Variants in GRIA1 observed in about 807,000 individuals in gnomAD.
The protein encoded by GRIA1 is glutamate receptor 1.
Under a neutral mutation model 99.2 loss-of-function variants are expected in GRIA1, and 31 were observed. The ratio of observed to expected loss-of-function variants is 0.31; its 90% confidence interval spans 0.23 to 0.42. The LOEUF is 0.42. Among genes scored for constraint, GRIA1 ranks in the 10% least tolerant of loss-of-function variants. GRIA1 has a pLI of 1.00. For synonymous variants in GRIA1, 438 were observed against 432.4 expected (o/e 1.01, Z -0.16); for missense variants, 782 against 1,157.5 (o/e 0.68, Z 4.71).
At chr5:153,601,140 C>T (rs1329424196) in intron 2 of GRIA1, among the ~76,000 whole-genome samples, 1 of 152,192 alleles carries the variant, frequency 6.6e-6, no homozygotes, top group African/African-American at 2.4e-5. Context: ...CATGCTGGTG[C>T]CAGACCCTGT....
At chr5:153,525,933 T>C (rs1014250477) in intron 2 of GRIA1, among the ~76,000 whole-genome samples, 36 of 152,216 alleles carry the variant, frequency 2.4e-4, no homozygotes, top group African/African-American at 8.7e-4. Flanking sequence ...TGGTATATAA[T>C]AATCAGGATG....
chr5:153,553,852 T>A (rs6861065), intron 2 of GRIA1, among the ~76,000 whole-genome samples: 70,926 of 151,954 alleles, frequency 0.47, 18,291 homozygotes, highest in Non-Finnish European at 0.59. Flanking sequence ...GACAGTTTAA[T>A]AATCGCCTAT....
chr5:153,727,497 A>G (rs1326801457), intron 11 of GRIA1, among the ~76,000 whole-genome samples: 1 of 152,208 alleles, frequency 6.6e-6, no homozygotes, highest in African/African-American at 2.4e-5. Flanking sequence ...CCATTGTCTC[A>G]GCCCAAAATC....
At chr5:153,526,618 C>T (rs1757623121) in intron 2 of GRIA1, among the ~76,000 whole-genome samples, 1 of 152,204 alleles carries the variant, frequency 6.6e-6, no homozygotes, top group Non-Finnish European at 1.5e-5. Context: ...ATGGATGATA[C>T]ATTGTGAATA....
intron 2 of GRIA1, among the ~76,000 whole-genome samples, chr5:153,596,942 C>A (rs1764487810): frequency 6.6e-6 from 1 of 152,202 alleles, no homozygotes; most frequent in Non-Finnish European, 1.5e-5. Flanking sequence ...ATGGGTCAGG[C>A]AAGAGGTGGA....
intron 7 of GRIA1, among the ~76,000 whole-genome samples, chr5:153,682,172 G>T (rs10057486): frequency 0.091 from 13,825 of 152,126 alleles, 735 homozygotes; most frequent in African/African-American, 0.14. Flanking sequence ...ATTTGCTCTG[G>T]CCAGAGTACC....
At chr5:153,781,518 A>G (rs1764627626) in intron 13 of GRIA1, among the ~76,000 whole-genome samples, 1 of 152,176 alleles carries the variant, frequency 6.6e-6, no homozygotes, top group Non-Finnish European at 1.5e-5. Flanking sequence ...AGAATCTAGC[A>G]GAGAATTTAG....
chr5:153,710,129 C>T (rs1759204012), intron 11 of GRIA1, among the ~76,000 whole-genome samples: 1 of 151,688 alleles, frequency 6.6e-6, no homozygotes. Flanking sequence ...AAAATCACTT[C>T]AGCTATGATC....
chr5:153,632,933 C>G (rs1753083256), intron 2 of GRIA1, among the ~76,000 whole-genome samples: 1 of 152,178 alleles, frequency 6.6e-6, no homozygotes, highest in Non-Finnish European at 1.5e-5. Flanking sequence ...CCACTGGAGT[C>G]AACATCTGGC....
chr5:153,766,904 G>A (rs923159377), intron 12 of GRIA1, among the ~76,000 whole-genome samples: 2 of 152,184 alleles, frequency 1.3e-5, no homozygotes, highest in African/African-American at 4.8e-5. Flanking sequence ...TTAAGAACCT[G>A]GAACCAGGGC....
chr5:153,671,723 T>C (rs534658708), intron 5 of GRIA1, among the ~76,000 whole-genome samples: 2 of 152,354 alleles, frequency 1.3e-5, no homozygotes, highest in South Asian at 2.1e-4. Flanking sequence ...TGGCTTTTAT[T>C]TGTTCACTCA....
intron 2 of GRIA1, among the ~76,000 whole-genome samples, chr5:153,642,695 C>A (rs1463571018): frequency 1.3e-5 from 2 of 151,804 alleles, no homozygotes; most frequent in Admixed American, 1.3e-4. Context: ...TATTCAAGTG[C>A]TTTCTAAATG....
intron 2 of GRIA1, among the ~76,000 whole-genome samples, chr5:153,637,125 A>G (rs547441979): frequency 4.9e-4 from 75 of 152,332 alleles, no homozygotes; most frequent in Non-Finnish European, 8.7e-4. Context: ...TAAACACTCA[A>G]TAGGTGATAT....
intron 5 of GRIA1, among the ~76,000 whole-genome samples, chr5:153,657,172 T>G (rs1289818135): frequency 2.0e-5 from 3 of 152,342 alleles, no homozygotes; most frequent in South Asian, 4.1e-4. Context: ...AAAATATTAG[T>G]GTACAAGATT....
At chr5:153,569,683 C>T (rs1365241947) in intron 2 of GRIA1, among the ~76,000 whole-genome samples, 1 of 152,206 alleles carries the variant, frequency 6.6e-6, no homozygotes, top group Admixed American at 6.5e-5. Context: ...GGTAACTTGG[C>T]TCAGTGTGTT....
intron 11 of GRIA1, among the ~76,000 whole-genome samples, chr5:153,752,686 T>C (rs1475122529): frequency 2.0e-5 from 3 of 152,232 alleles, no homozygotes; most frequent in Middle Eastern, 3.2e-3. Context: ...GTCTGCCATA[T>C]AGGAAATGCT....
At position 153,710,150 on chromosome 5, in the gene GRIA1, A is replaced by G. The variant is rs191793333; in HGVS notation, c.1823+4083A>G. Among the ~76,000 whole-genome samples, 23 of 151,324 alleles carry G rather than the reference A, an allele frequency of 1.5e-4. No homozygotes were observed. In the East Asian group the frequency reaches 4.3e-3, roughly 28 times the overall value. On this transcript the variant is annotated intron_variant, in intron 11 of 15. Transcript: ENST00000285900. ...ACTTCAGCTATGATCACAGATTACA[A>G]TTTATTTTTTTAATTAGGTTGATGG...
intron 2 of GRIA1, among the ~76,000 whole-genome samples, chr5:153,600,050 C>A (rs1764769400): frequency 6.6e-6 from 1 of 151,924 alleles, no homozygotes; most frequent in African/African-American, 2.4e-5. Flanking sequence ...TAGCGCCGGT[C>A]GTCAGAGAGT....
chr5:153,572,389 G>A (rs552637823), intron 2 of GRIA1, among the ~76,000 whole-genome samples: 4 of 152,144 alleles, frequency 2.6e-5, no homozygotes, highest in South Asian at 2.1e-4. Flanking sequence ...AGTGGCAAGC[G>A]GGAGGCACAT....
Sources: allele counts gnomAD v4.1 joint callset (sites outside exome capture counted in the v4.1 genomes callset), GRCh38; gene constraint gnomAD v4.1.1; transcripts MANE v1.5; gene names NCBI Gene and HGNC (gene_info 2026-07-23, HGNC 2026-07-21).